The following CDH2 variants were observed in gnomAD, a reference collection of about 807,000 sequenced individuals.
The protein encoded by CDH2 is cadherin-2.
Under a neutral mutation model 92.0 loss-of-function variants are expected in CDH2, and 17 were observed. The observed-to-expected ratio is 0.18, with a 90% confidence interval of 0.13 to 0.28. The LOEUF is 0.28. CDH2 is among the 10% of genes least tolerant of loss of function. CDH2 has a pLI of 1.00. For synonymous variants in CDH2, 419 were observed against 415.9 expected, an observed-to-expected ratio of 1.01 and a Z score of -0.09; for missense variants, 862 against 1,133.1, an observed-to-expected ratio of 0.76 and a Z score of 3.44.
intron 2 of CDH2, among the ~76,000 whole-genome samples, chr18:28,106,576 A>G (rs879794782): frequency 6.6e-6 from 1 of 152,114 alleles, no homozygotes; most frequent in Non-Finnish European, 1.5e-5. Flanking sequence ...ATTTAAAAAT[A>G]TGATGTCACA....
intron 6 of CDH2, among the ~76,000 whole-genome samples, chr18:27,940,084 C>T (rs1466201627): frequency 6.6e-6 from 1 of 152,194 alleles, no homozygotes; most frequent in Non-Finnish European, 1.5e-5. Flanking sequence ...CAACTTCTCC[C>T]TCTACCTAAT....
At chr18:28,027,426 T>G (rs1338452795) in intron 2 of CDH2, among the ~76,000 whole-genome samples, 1 of 152,140 alleles carries the variant, frequency 6.6e-6, no homozygotes, top group African/African-American at 2.4e-5. Context: ...CTATTTCATT[T>G]CCTTTCCAGG....
rs17495098 is a variant in CDH2 at position 28,151,313 on chromosome 18, G to A, written c.61-3529C>T. Reference sequence around the variant, plus strand: ...AGACACATTTTTAGCTGTCACAACTGCGAGGGGGTGCTACTGGCTACTAGT... The same window carrying A: ...AGACACATTTTTAGCTGTCACAACTACGAGGGGGTGCTACTGGCTACTAGT... On this transcript the variant is annotated intron_variant, in intron 1 of 15. Coordinates refer to ENST00000269141, the MANE Select transcript of CDH2 (RefSeq NM_001792.5). 4.2e-3 allele frequency among the ~76,000 whole-genome samples: 637 copies of A among 152,318 alleles called. 4 individuals carry two copies. The highest frequency in any genetic ancestry group is 0.015 in the African/African-American group (605 of 41,558).
intron 7 of CDH2, among the ~76,000 whole-genome samples, chr18:28,000,392 G>A (rs756623184): frequency 8.5e-5 from 13 of 152,150 alleles, no homozygotes; most frequent in African/African-American, 2.4e-4. Context: ...ATGAGCCACC[G>A]TGCCTGGCCT....
intron 14 of CDH2, among the ~76,000 whole-genome samples, chr18:27,978,610 TTG>T (rs1053938074): frequency 2.5e-5 from 2 of 80,754 alleles, no homozygotes; most frequent in Non-Finnish European, 5.9e-5. Context: ...ATATATGTAG[TTG>T]GGGGGGGGGA....
At chr18:27,997,059 C>T (rs1901314936) in intron 7 of CDH2, among the ~76,000 whole-genome samples, 2 of 152,190 alleles carry the variant, frequency 1.3e-5, no homozygotes, top group African/African-American at 4.8e-5. Flanking sequence ...GGAAAGCTAG[C>T]ATCAGTTATC....
chr18:28,156,031 C>G (rs1005232638), intron 1 of CDH2, among the ~76,000 whole-genome samples: 1 of 151,782 alleles, frequency 6.6e-6, no homozygotes, highest in Non-Finnish European at 1.5e-5. Context: ...ATTATCTTGT[C>G]TTGCATGGGT....
intron 2 of CDH2, among the ~76,000 whole-genome samples, chr18:28,061,128 A>G (rs2014394336): frequency 6.6e-6 from 1 of 152,192 alleles, no homozygotes; most frequent in South Asian, 2.1e-4. Flanking sequence ...ATCATTTAAA[A>G]TGGTTCTTCT....
intron 1 of CDH2, among the ~76,000 whole-genome samples, chr18:28,149,216 G>T (rs768269741): frequency 6.6e-6 from 1 of 152,144 alleles, no homozygotes; most frequent in African/African-American, 2.4e-5. Flanking sequence ...GAGTGCTCCA[G>T]TTGACATGTG....
At chr18:28,147,575 A>T in intron 2 of CDH2, 98 bp downstream of exon 2, 1 of 655,884 alleles carries the variant, frequency 1.5e-6, no homozygotes, top group Non-Finnish European at 2.5e-6. Flanking sequence ...AAAAATTCAT[A>T]CTTGTTATAC....
intron 6 of CDH2, among the ~76,000 whole-genome samples, chr18:27,941,033 C>CT (rs59212895): frequency 0.1 from 12,987 of 124,588 alleles, 1,153 homozygotes; most frequent in East Asian, 0.39. Context: ...TAAGTAGCAC[C>CT]TTTTTTTTTT....
At chr18:27,982,153 G>A (rs2012075992) in intron 14 of CDH2, among the ~76,000 whole-genome samples, 1 of 152,178 alleles carries the variant, frequency 6.6e-6, no homozygotes, top group African/African-American at 2.4e-5. Context: ...ATTTAAGAGA[G>A]AGCAGCACCT....
At chr18:28,063,221 A>G (rs1052670174) in intron 2 of CDH2, among the ~76,000 whole-genome samples, 1 of 152,232 alleles carries the variant, frequency 6.6e-6, no homozygotes, top group African/African-American at 2.4e-5. Flanking sequence ...AGAAATGCTT[A>G]TACTGCTTTT....
intron 2 of CDH2, among the ~76,000 whole-genome samples, chr18:28,140,140 C>T (rs2015929109): frequency 6.6e-6 from 1 of 151,958 alleles, no homozygotes; most frequent in South Asian, 2.1e-4. Flanking sequence ...CTTCCTAACA[C>T]TATACACAAC....
chr18:27,987,766 C>T (rs534280360), intron 11 of CDH2, among the ~76,000 whole-genome samples: 3 of 152,180 alleles, frequency 2.0e-5, no homozygotes, highest in African/African-American at 2.4e-5. Flanking sequence ...GGTGCTGATA[C>T]GTATCTATTT....
At chr18:27,945,896 G>A (rs1909257038) in intron 6 of CDH2, among the ~76,000 whole-genome samples, 2 of 152,044 alleles carry the variant, frequency 1.3e-5, no homozygotes, top group Non-Finnish European at 2.9e-5. Context: ...AAATGTAGAA[G>A]GAAAAATTAT....
intron 15 of CDH2, among the ~76,000 whole-genome samples, chr18:27,954,211 C>T (rs1284855402): frequency 6.6e-6 from 1 of 152,158 alleles, no homozygotes; most frequent in African/African-American, 2.4e-5. Context: ...GACTAAGCTA[C>T]AAGGCAATTC....
chr18:28,092,562 G>C (rs1189301375), intron 2 of CDH2, among the ~76,000 whole-genome samples: 1 of 151,238 alleles, frequency 6.6e-6, no homozygotes, highest in Non-Finnish European at 1.5e-5. Context: ...AAAAACAAAA[G>C]GATGAAAAGA....
chr18:28,104,899 TACTC>T (rs1276288027), intron 2 of CDH2, among the ~76,000 whole-genome samples: 1 of 152,028 alleles, frequency 6.6e-6, no homozygotes, highest in South Asian at 2.1e-4. Flanking sequence ...GATAGATAGA[TACTC>T]ACCATAATGA....
Sources: allele counts gnomAD v4.1 joint callset (sites outside exome capture counted in the v4.1 genomes callset), GRCh38; gene constraint gnomAD v4.1.1; transcripts MANE v1.5; gene names NCBI Gene and HGNC (gene_info 2026-07-23, HGNC 2026-07-21).